TLE7: variants seen among roughly 807,000 people sequenced by gnomAD.
TLE7 encodes TLE family member 7, also known as transducin-like enhancer protein 7.
chr16:71,438,439 A>AG (rs2042834877), intron 1 of TLE7, among the ~76,000 whole-genome samples: 21 of 144,840 alleles, frequency 1.4e-4, no homozygotes, highest in African/African-American at 4.7e-4. Context: ...AAAAAAAAAA[A>AG]AAGAGAGAGA....
At chr16:71,436,092 C>T (rs1249584824) in intron 1 of TLE7, among the ~76,000 whole-genome samples, 4 of 152,168 alleles carry the variant, frequency 2.6e-5, no homozygotes, top group Admixed American at 1.3e-4. Flanking sequence ...TACCAGACAA[C>T]TCTCTTTCCA....
At chr16:71,434,397 C>G (rs1481790673) in intron 1 of TLE7, among the ~76,000 whole-genome samples, 1 of 152,144 alleles carries the variant, frequency 6.6e-6, no homozygotes, top group Non-Finnish European at 1.5e-5. Flanking sequence ...TGGAGAGACC[C>G]AGGGTTCTAT....
intron 1 of TLE7, among the ~76,000 whole-genome samples, chr16:71,439,998 T>C (rs745479823): frequency 2.0e-5 from 3 of 152,180 alleles, no homozygotes; most frequent in Non-Finnish European, 4.4e-5. Flanking sequence ...GGTGTAAATA[T>C]ACAACGGAGC....
chr16:71,440,854 G>A (rs1018984233), intron 1 of TLE7, among the ~76,000 whole-genome samples: 1 of 152,224 alleles, frequency 6.6e-6, no homozygotes, highest in African/African-American at 2.4e-5. Flanking sequence ...GCACCTGGAA[G>A]GGACAATGCA....
chr16:71,434,634 T>C (rs1023053988), intron 1 of TLE7, among the ~76,000 whole-genome samples: 3 of 152,176 alleles, frequency 2.0e-5, no homozygotes, highest in Non-Finnish European at 4.4e-5. Flanking sequence ...ATGCTTTACA[T>C]AGCTGATCTC....
chr16:71,436,193 G>C (rs935453714), intron 1 of TLE7, among the ~76,000 whole-genome samples: 7 of 152,118 alleles, frequency 4.6e-5, no homozygotes, highest in Non-Finnish European at 1.0e-4. Flanking sequence ...CCTAGACATG[G>C]GAAGTCAGCC....
intron 1 of TLE7, among the ~76,000 whole-genome samples, chr16:71,440,617 C>T (rs1192492915): frequency 6.6e-6 from 1 of 152,242 alleles, no homozygotes; most frequent in Non-Finnish European, 1.5e-5. Context: ...CTTTAGCCAG[C>T]AAACTCCAGG....
intron 1 of TLE7, among the ~76,000 whole-genome samples, chr16:71,434,637 C>T (rs1181238740): frequency 6.6e-6 from 1 of 152,168 alleles, no homozygotes; most frequent in Non-Finnish European, 1.5e-5. Context: ...CTTTACATAG[C>T]TGATCTCATT....
At chr16:71,437,939 A>T (rs2042832643) in intron 1 of TLE7, among the ~76,000 whole-genome samples, 1 of 152,108 alleles carries the variant, frequency 6.6e-6, no homozygotes, top group African/African-American at 2.4e-5. Flanking sequence ...TGCCTTCAAG[A>T]TAATGTTGCT....
Position 71,430,374 on chromosome 16 carries a change from G to T in TLE7, c.1222-8C>A, listed in dbSNP as rs1302059472. 5.0e-6 allele frequency: 2 copies of T among 398,662 alleles called. No individual in the cohort carries two copies. The highest frequency in any genetic ancestry group is 8.8e-6 in the Non-Finnish European group (2 of 226,216). 24.7% of individuals were successfully genotyped at this position (398,662 alleles called of 1,614,324 possible). A position where few individuals can be genotyped will look rare whatever the true frequency, so the allele number is the denominator to read the frequency against. ...ACCTGAAGACTCCTCTATCTAGATG[G>T]ATGGAAGGGCCAAAACAGGGATCAC... is the stretch of plus-strand genomic sequence containing the variant. On this transcript the variant is annotated splice_polypyrimidine_tract_variant and splice_region_variant and intron_variant, in intron 9 of 9. Transcript: ENST00000561754.
intron 1 of TLE7, among the ~76,000 whole-genome samples, chr16:71,439,279 GT>G (rs2042838459): frequency 6.6e-6 from 1 of 152,210 alleles, no homozygotes; most frequent in Non-Finnish European, 1.5e-5. Flanking sequence ...AGTACGTAAG[GT>G]CAGAAGGATG....
In TLE7 at chr16:71,431,150, C is replaced by T. The variant is rs1000793134; in HGVS notation, c.1118G>A (p.Arg373His). 7 of 400,602 alleles carry T rather than the reference C, an allele frequency of 1.7e-5. No individual in the cohort carries two copies. The highest frequency in any genetic ancestry group is 1.0e-4 in the African/African-American group (5 of 48,672). 24.8% of individuals were successfully genotyped at this position (400,602 alleles called of 1,614,324 possible). ...QFKALMKKYT[R>H]HHSLKFASCG... is the part of the protein sequence containing the mutation. ...GGAGGCAAACTTGAGGCTGTGGTGG[C>T]GGGTGTATTTTTTCATGAGAGCCTT... The change falls in exon 8 of 10, where the codon CGC becomes CAC. Residue 373 changes from arginine (R) to histidine (H), a missense_variant. Coordinates refer to ENST00000561754, the MANE Select transcript of TLE7 (RefSeq NM_001367365.2). The surrounding 1 kb of genome is among the most constrained non-coding windows in gnomAD (Gnocchi z 4.5).
At position 71,432,186 on chromosome 16, in the gene TLE7, G is replaced by A; in HGVS notation, c.533C>T (p.Ser178Phe). Reference sequence around the variant, plus strand: ...CTCATCCCATACCCTGATGTAGCCAGAGCCACACGTGTACACGTGGTGGGT... The same window carrying A: ...CTCATCCCATACCCTGATGTAGCCAAAGCCACACGTGTACACGTGGTGGGT... ...GSTHHVYTCG[S>F]GYIRVWDESA... The change falls in exon 5 of 10, where the codon TCT (serine) becomes TTT (phenylalanine). Residue 178 changes from serine (S) to phenylalanine (F), a missense_variant. By Grantham distance (155) the Ser-to-Phe change is radical. Transcript: ENST00000561754. 2.5e-6 allele frequency: 1 copy of A among 400,894 alleles called. No homozygotes were observed. Among genetic ancestry groups the A allele is most frequent in the Non-Finnish European group, 4.4e-6 (1 of 226,324 alleles). The allele number at this position is 400,894 out of a possible 1,614,324, so 24.8% of individuals were successfully genotyped here. A position where few individuals can be genotyped will look rare whatever the true frequency, so the allele number is the denominator to read the frequency against.
At chr16:71,436,580 A>G (rs1036589151) in intron 1 of TLE7, among the ~76,000 whole-genome samples, 3 of 152,234 alleles carry the variant, frequency 2.0e-5, no homozygotes, top group Non-Finnish European at 2.9e-5. Context: ...CCACCCTACA[A>G]GAGCCAGCGT....
intron 9 of TLE7, 95 bp downstream of exon 9, chr16:71,430,573 A>C (rs2042797737): frequency 1.3e-5 from 5 of 397,864 alleles, no homozygotes; most frequent in Non-Finnish European, 2.2e-5. Context: ...GCCATCTCAG[A>C]GGTGTTTTCC....
intron 1 of TLE7, among the ~76,000 whole-genome samples, chr16:71,436,608 G>A (rs2042826943): frequency 6.6e-6 from 1 of 152,224 alleles, no homozygotes; most frequent in Non-Finnish European, 1.5e-5. Flanking sequence ...AAGATGGGGA[G>A]TTGAGTTGAG....
intron 1 of TLE7, among the ~76,000 whole-genome samples, chr16:71,437,791 A>G (rs1479246868): frequency 6.6e-6 from 1 of 152,136 alleles, no homozygotes. Flanking sequence ...TCTTTTGAAG[A>G]AATCCTGAGA....
chr16:71,441,525 G>A (rs1014107459), intron 1 of TLE7, among the ~76,000 whole-genome samples: 1 of 152,248 alleles, frequency 6.6e-6, no homozygotes, highest in Middle Eastern at 3.2e-3. Context: ...CTCTGGGTCG[G>A]GCAGGGTCCA....
intron 1 of TLE7, among the ~76,000 whole-genome samples, chr16:71,438,600 T>C (rs990824626): frequency 7.0e-6 from 1 of 143,282 alleles, no homozygotes; most frequent in Non-Finnish European, 1.5e-5. Context: ...GAGAATCACT[T>C]GAACCCAGGA....
Sources: gnomAD v4.1 joint callset for allele counts (sites outside exome capture counted in the v4.1 genomes callset) on GRCh38, gnomAD v4.1.1 for gene constraint, Gnocchi (gnomAD v3.1) non-coding constraint, MANE v1.5 for transcripts, NCBI Gene and HGNC (gene_info 2026-07-23, HGNC 2026-07-21) for gene names.